Variants in CAB39L observed in about 807,000 individuals in gnomAD.
CAB39L encodes the protein calcium-binding protein 39-like.
In CAB39L, 23 loss-of-function variants were observed where a neutral mutation model predicts 39.1. That is an observed-to-expected ratio of 0.59 (90% confidence interval 0.42 to 0.83). The LOEUF (loss-of-function observed/expected upper bound fraction) is 0.83. CAB39L is among the 40% of genes least tolerant of loss of function. CAB39L has a pLI of 0.00. For synonymous variants in CAB39L, 126 were observed against 137.2 expected (o/e 0.92, Z 0.57); for missense variants, 366 against 391.9 (o/e 0.93, Z 0.56).
At chr13:49,442,758 T>A (rs1451620809) in intron 1 of CAB39L, among the ~76,000 whole-genome samples, 1 of 124,716 alleles carries the variant, frequency 8.0e-6, no homozygotes, top group Non-Finnish European at 1.6e-5. Context: ...ACCATTGCAC[T>A]CCAGCATAGG....
intron 7 of CAB39L, among the ~76,000 whole-genome samples, chr13:49,348,994 C>T (rs1473874716): frequency 2.6e-5 from 4 of 152,188 alleles, no homozygotes; most frequent in African/African-American, 4.8e-5. Context: ...TACCCTTTAC[C>T]ACTCTCTGAC....
chr13:49,429,374 T>C (rs555907142), intron 3 of CAB39L, among the ~76,000 whole-genome samples: 65 of 152,324 alleles, frequency 4.3e-4, no homozygotes, highest in African/African-American at 1.5e-3. Context: ...ATTACAGGCA[T>C]GAGTCACTGC....
chr13:49,400,739 T>C lies in CAB39L; in HGVS notation c.-31-17798A>G, dbSNP rs61313653. 6.0e-3 allele frequency among the ~76,000 whole-genome samples: 903 copies of C among 151,150 alleles called. 12 individuals are homozygous for C. Among genetic ancestry groups the C allele is most frequent in the African/African-American group, 0.021 (867 of 41,096 alleles). ...TGCTGTAATTTATAATACAAAACAG[T>C]GATAATTCAAAATTTACTAACAATA... On this transcript the variant is annotated intron_variant, in intron 3 of 10. Coordinates refer to ENST00000409308, the MANE Select transcript of CAB39L (RefSeq NM_001079670.3).
intron 3 of CAB39L, among the ~76,000 whole-genome samples, chr13:49,386,168 C>T (rs2138603460): frequency 6.6e-6 from 1 of 152,244 alleles, no homozygotes; most frequent in East Asian, 1.9e-4. Flanking sequence ...CAAATTATAA[C>T]ATGGTATCAT....
chr13:49,426,230 T>C (rs1957242430), intron 3 of CAB39L, among the ~76,000 whole-genome samples: 1 of 152,200 alleles, frequency 6.6e-6, no homozygotes, highest in Non-Finnish European at 1.5e-5. Context: ...AGTCACACCA[T>C]TAGTCTTTCT....
chr13:49,393,798 T>C (rs936893078), intron 3 of CAB39L, among the ~76,000 whole-genome samples: 2 of 151,894 alleles, frequency 1.3e-5, no homozygotes, highest in African/African-American at 2.4e-5. Flanking sequence ...TCCAAAAAAA[T>C]TTTTTTGGTA....
At chr13:49,324,751 TTCTGTACGCTACAAAA>T (rs1341242885) in intron 10 of CAB39L, among the ~76,000 whole-genome samples, 2 of 152,244 alleles carry the variant, frequency 1.3e-5, no homozygotes, top group Non-Finnish European at 2.9e-5. Context: ...AGGGAAAGTG[TTCTGTACGCTACAAAA>T]TGTTAAAATG....
rs1443442752 is a variant in CAB39L at position 49,376,988 on chromosome 13, G to A, written c.255C>T (p.Asp85=). The A allele has an allele frequency of 1.4e-5, 22 of 1,610,668 alleles. No individual in the cohort carries two copies. Among genetic ancestry groups the A allele is most frequent in the Non-Finnish European group, 1.8e-5 (21 of 1,178,080 alleles). ...SSGLLVTLIA[D]LQLIDFEGKK... is the part of the protein sequence containing the mutation. ...TTACCTCAAAGTCTATCAGCTGCAG[G>A]TCAGCTATCAGTGTCACTAGCAGGC... is the stretch of plus-strand genomic sequence containing the variant. The change falls in exon 5 of 11, where the codon GAC becomes GAT. Residue 85 remains aspartate (D), a synonymous_variant. Transcript: ENST00000409308.
chr13:49,428,109 C>T (rs1299912618), intron 3 of CAB39L, among the ~76,000 whole-genome samples: 1 of 152,228 alleles, frequency 6.6e-6, no homozygotes, highest in Non-Finnish European at 1.5e-5. Flanking sequence ...TAGTTGTCTA[C>T]TGTGTAACAA....
intron 3 of CAB39L, among the ~76,000 whole-genome samples, chr13:49,383,222 T>C (rs994301973): frequency 2.6e-5 from 4 of 152,038 alleles, no homozygotes; most frequent in Admixed American, 6.6e-5. Flanking sequence ...GAGTCCAAGT[T>C]GATATGTAAA....
At chr13:49,347,174 T>C (rs1955204861) in intron 7 of CAB39L, among the ~76,000 whole-genome samples, 1 of 152,206 alleles carries the variant, frequency 6.6e-6, no homozygotes, top group South Asian at 2.1e-4. Flanking sequence ...AAATTGGTGT[T>C]TCCAAAACTG....
At chr13:49,387,687 AAATT>A (rs1444052403) in intron 3 of CAB39L, among the ~76,000 whole-genome samples, 1 of 152,258 alleles carries the variant, frequency 6.6e-6, no homozygotes, top group African/African-American at 2.4e-5. Context: ...GTTGCTTCTG[AAATT>A]AATTCTCTAT....
chr13:49,356,876 C>T (rs1324275985), intron 6 of CAB39L, among the ~76,000 whole-genome samples: 2 of 151,884 alleles, frequency 1.3e-5, no homozygotes, highest in Non-Finnish European at 2.9e-5. Context: ...GGTGAAACCT[C>T]GTCTCTACTA....
At chr13:49,321,761 T>C (rs1463452428) in intron 10 of CAB39L, among the ~76,000 whole-genome samples, 1 of 152,224 alleles carries the variant, frequency 6.6e-6, no homozygotes, top group East Asian at 1.9e-4. Flanking sequence ...AGTAAACTAG[T>C]GGATCAAAGA....
chr13:49,355,387 A>G (rs574589667), intron 6 of CAB39L, among the ~76,000 whole-genome samples: 2 of 152,230 alleles, frequency 1.3e-5, no homozygotes, highest in South Asian at 4.2e-4. Context: ...GTCTCGATAA[A>G]TAAATAAAAT....
At chr13:49,343,022 A>G (rs1345395096) in intron 8 of CAB39L, among the ~76,000 whole-genome samples, 1 of 152,208 alleles carries the variant, frequency 6.6e-6, no homozygotes, top group Non-Finnish European at 1.5e-5. Context: ...TTTAAGTTAC[A>G]TAGTGGCTCT....
intron 5 of CAB39L, among the ~76,000 whole-genome samples, chr13:49,368,562 T>G (rs1394415161): frequency 1.3e-5 from 2 of 152,002 alleles, no homozygotes; most frequent in African/African-American, 2.4e-5. Context: ...AGAAAAACCC[T>G]AAAAATATAT....
intron 3 of CAB39L, among the ~76,000 whole-genome samples, chr13:49,422,457 C>G (rs150178547): frequency 3.7e-3 from 563 of 152,226 alleles, no homozygotes; most frequent in African/African-American, 0.013. Flanking sequence ...GCCTGTCTTC[C>G]CAGCTACTCA....
At chr13:49,412,365 TAA>T (rs3035439) in intron 3 of CAB39L, among the ~76,000 whole-genome samples, 76,853 of 150,330 alleles carry the variant, frequency 0.51, 19,818 homozygotes, top group Middle Eastern at 0.67. Context: ...CTTTGCCATT[TAA>T]AAAAAAAAAA....
Sources: allele counts gnomAD v4.1 joint callset (sites outside exome capture counted in the v4.1 genomes callset), GRCh38; gene constraint gnomAD v4.1.1; transcripts MANE v1.5; gene names NCBI Gene and HGNC (gene_info 2026-07-23, HGNC 2026-07-21).